Variants in PTPRG observed in about 807,000 individuals in gnomAD.
The protein encoded by PTPRG is receptor-type tyrosine-protein phosphatase gamma.
Under a neutral mutation model 165.3 loss-of-function variants are expected in PTPRG, and 102 were observed. The observed-to-expected ratio is 0.62, with a 90% CI of 0.53 to 0.73. The LOEUF is 0.73. PTPRG is among the 30% of genes least tolerant of loss of function. The pLI, the probability that PTPRG is intolerant of heterozygous loss-of-function variation, is 0.00. For missense variants in PTPRG, 1,866 were observed against 1,861.4 expected (o/e 1.00, Z -0.05); for synonymous variants, 675 against 669.5 (o/e 1.01, Z -0.13).
At chr3:61,711,437 T>C (rs183596638) in intron 1 of PTPRG, among the ~76,000 whole-genome samples, 177 of 152,318 alleles carry the variant, frequency 1.2e-3, no homozygotes, top group Middle Eastern at 3.4e-3. Flanking sequence ...CATCTGTTGT[T>C]TCCTGACTTT....
chr3:62,059,756 G>A (rs745607869), intron 4 of PTPRG, among the ~76,000 whole-genome samples: 2 of 152,166 alleles, frequency 1.3e-5, no homozygotes, highest in Non-Finnish European at 2.9e-5. Context: ...CCTAGTAGGA[G>A]GTAGTGGAAT....
intron 4 of PTPRG, among the ~76,000 whole-genome samples, chr3:62,039,739 T>A (rs1376476026): frequency 6.6e-6 from 1 of 152,236 alleles, no homozygotes; most frequent in Non-Finnish European, 1.5e-5. Context: ...CTGCAGCTGG[T>A]GAGCCTTAAA....
At chr3:62,068,114 CT>C (rs996035456) in intron 4 of PTPRG, among the ~76,000 whole-genome samples, 3 of 152,168 alleles carry the variant, frequency 2.0e-5, no homozygotes, top group African/African-American at 7.2e-5. Context: ...CTATCTCAGC[CT>C]TAATTTCCTT....
intron 1 of PTPRG, among the ~76,000 whole-genome samples, chr3:61,595,575 G>A (rs1700682433): frequency 6.6e-6 from 1 of 152,224 alleles, no homozygotes. Flanking sequence ...TTGGCCCTAG[G>A]CCTTGACCCT....
chr3:61,906,810 GGTA>G (rs2038668839), intron 2 of PTPRG, among the ~76,000 whole-genome samples: 1 of 151,668 alleles, frequency 6.6e-6, no homozygotes, highest in South Asian at 2.1e-4. Flanking sequence ...TAGGTAGGTA[GGTA>G]GGTAGGTAGG....
rs956509528 is a variant in PTPRG, at chr3:62,190,056, T to C, written c.1034-1413T>C. Among the ~76,000 whole-genome samples, 31 of 152,078 alleles carry C rather than the reference T, an allele frequency of 2.0e-4. No individual in the cohort carries two copies. Among genetic ancestry groups the C allele is most frequent in the African/African-American group, 7.5e-4 (31 of 41,424 alleles). ...CCGAGCCACCTCTTCCTCTCCCTCC[T>C]CTCCCTCCATCCTGTCCTGGCGTGC... On this transcript the variant is annotated intron_variant, in intron 8 of 29. Coordinates refer to ENST00000474889, the MANE Select transcript of PTPRG (RefSeq NM_002841.4). This position sits in a 1 kb window ranked among gnomAD's most constrained non-coding sequence, Gnocchi z 5.2.
chr3:61,882,081 A>C (rs549101793), intron 2 of PTPRG, among the ~76,000 whole-genome samples: 14 of 151,806 alleles, frequency 9.2e-5, no homozygotes, highest in South Asian at 4.1e-4. Context: ...AACTGACAGT[A>C]TACCCCCTTT....
At chr3:62,092,439 G>GAAAAAAA (rs55955359) in intron 5 of PTPRG, among the ~76,000 whole-genome samples, 4,107 of 89,258 alleles carry the variant, frequency 0.046, 146 homozygotes, top group Non-Finnish European at 0.068. Context: ...GAGTCCATCT[G>GAAAAAAA]AAAAAAAAAA....
Position 62,190,491 on chromosome 3 carries a change from T to C in PTPRG, c.1034-978T>C, listed in dbSNP as rs1255181109. Among the ~76,000 whole-genome samples the C allele has an allele frequency of 6.6e-6, 1 of 152,022 alleles. No individual in the cohort carries two copies. Among genetic ancestry groups the C allele is most frequent in the African/African-American group, 2.4e-5 (1 of 41,382 alleles). On this transcript the variant is annotated intron_variant, in intron 8 of 29. Coordinates refer to ENST00000474889, the MANE Select transcript of PTPRG (RefSeq NM_002841.4). The surrounding 1 kb of genome is among the most constrained non-coding windows in gnomAD (Gnocchi z 5.2). ...TCAGACCTGTCAAGGTCTCAACACT[T>C]TCATAGGTTTGTCTGTAAATAGATT... is the stretch of plus-strand genomic sequence containing the variant.
intron 5 of PTPRG, among the ~76,000 whole-genome samples, chr3:62,111,382 T>TGA (rs1444802984): frequency 6.6e-6 from 1 of 152,218 alleles, no homozygotes; most frequent in Non-Finnish European, 1.5e-5. Context: ...AGCTTCCTCT[T>TGA]AGAGACTGAC....
intron 4 of PTPRG, among the ~76,000 whole-genome samples, chr3:62,046,064 T>A (rs1402359013): frequency 2.0e-5 from 3 of 152,042 alleles, no homozygotes. Flanking sequence ...ACCATTCCCC[T>A]CTCTTGGTTG....
intron 4 of PTPRG, among the ~76,000 whole-genome samples, chr3:62,069,991 A>G (rs1425437210): frequency 1.3e-5 from 2 of 152,212 alleles, no homozygotes; most frequent in African/African-American, 4.8e-5. Context: ...AAAAATAACA[A>G]TGATCCTTTT....
chr3:62,144,147 T>G (rs1322953758), intron 6 of PTPRG, among the ~76,000 whole-genome samples: 1 of 152,230 alleles, frequency 6.6e-6, no homozygotes, highest in Non-Finnish European at 1.5e-5. Context: ...ACAGACGCAC[T>G]GGCCTGCACC....
At chr3:62,189,304 T>G (rs1221063270) in intron 8 of PTPRG, among the ~76,000 whole-genome samples, 1 of 152,138 alleles carries the variant, frequency 6.6e-6, no homozygotes, top group African/African-American at 2.4e-5. Flanking sequence ...CAATCTACTT[T>G]TCTCCACCGG....
At chr3:61,849,879 T>C (rs2107360475) in intron 2 of PTPRG, among the ~76,000 whole-genome samples, 1 of 152,364 alleles carries the variant, frequency 6.6e-6, no homozygotes, top group East Asian at 1.9e-4. Context: ...TCCTGATAGC[T>C]GAGTTGACTT....
chr3:61,959,001 T>G (rs2040093678), intron 2 of PTPRG, among the ~76,000 whole-genome samples: 2 of 152,224 alleles, frequency 1.3e-5, no homozygotes, highest in Non-Finnish European at 2.9e-5. Context: ...GCCCCACTCC[T>G]GTGCCGCACT....
At chr3:62,105,083 G>T (rs1702425832) in intron 5 of PTPRG, among the ~76,000 whole-genome samples, 1 of 152,062 alleles carries the variant, frequency 6.6e-6, no homozygotes, top group African/African-American at 2.4e-5. Flanking sequence ...AAGAACTGTG[G>T]TCATTTTGGA....
chr3:61,962,962 A>G (rs953923600), intron 2 of PTPRG, among the ~76,000 whole-genome samples: 2 of 152,202 alleles, frequency 1.3e-5, no homozygotes, highest in Admixed American at 6.5e-5. Flanking sequence ...AAATAATGTA[A>G]AAAGGTATAT....
intron 5 of PTPRG, among the ~76,000 whole-genome samples, chr3:62,100,391 G>C (rs1373662878): frequency 6.6e-6 from 1 of 152,002 alleles, no homozygotes; most frequent in Non-Finnish European, 1.5e-5. Context: ...AAATAAGCAG[G>C]AGCCGTCTTT....
Sources: gnomAD v4.1 joint callset for allele counts (sites outside exome capture counted in the v4.1 genomes callset) on GRCh38, gnomAD v4.1.1 for gene constraint, Gnocchi (gnomAD v3.1) non-coding constraint, MANE v1.5 for transcripts, NCBI Gene and HGNC (gene_info 2026-07-23, HGNC 2026-07-21) for gene names.